PEPD: variants seen among roughly 807,000 people sequenced by gnomAD.
PEPD encodes the protein peptidase D.
In PEPD, 53 loss-of-function variants were observed where a neutral mutation model predicts 60.7. The ratio of observed to expected loss-of-function variants is 0.87; its 90% CI spans 0.70 to 1.10. The LOEUF is 1.10. Ranked by LOEUF, PEPD falls within the 50% of genes least tolerant of loss-of-function variation. PEPD has a pLI of 0.00. For missense variants in PEPD, 711 were observed against 711.9 expected, an observed-to-expected ratio of 1.00 and a Z score of 0.01; for synonymous variants, 267 against 284.1, an observed-to-expected ratio of 0.94 and a Z score of 0.60.
At chr19:33,486,801 T>C (rs1326237322) in intron 6 of PEPD, 1 of 152,220 alleles carries the variant, frequency 6.6e-6, no homozygotes, top group Non-Finnish European at 1.5e-5. Flanking sequence ...ATAGGCTGGG[T>C]GGACAGGTGG....
rs1168800623 is a variant in PEPD at position 33,511,027 on chromosome 19, C to T, written c.329+1G>A. On this transcript the variant is annotated splice_donor_variant, in intron 3 of 14. Transcript: ENST00000244137. LOFTEE classifies it high-confidence loss of function. ...GGTGCCCTGGCCAGGCTGCTCCTTA[C>T]TTTCCCATCCAGGTGGCATGGCTGG... is the stretch of plus-strand genomic sequence containing the variant. 1 of 1,589,832 alleles carries T rather than the reference C, an allele frequency of 6.3e-7. No individual in the cohort carries two copies. Among genetic ancestry groups the T allele is most frequent in the South Asian group, 1.1e-5 (1 of 90,604 alleles).
At chr19:33,437,405 C>T (rs921001260) in intron 9 of PEPD, among the ~76,000 whole-genome samples, 24 of 151,720 alleles carry the variant, frequency 1.6e-4, no homozygotes, top group African/African-American at 5.3e-4. Flanking sequence ...TTTCAACAGC[C>T]ACACGAGATG....
chr19:33,501,057 G>A, intron 3 of PEPD, 56 bp from the exon 4 acceptor site: 2 of 1,044,740 alleles, frequency 1.9e-6, no homozygotes, highest in Non-Finnish European at 3.0e-6. Flanking sequence ...GCTCAGCATG[G>A]CCACCTTCCT....
At chr19:33,492,317 G>A (rs966920941) in intron 5 of PEPD, among the ~76,000 whole-genome samples, 7 of 152,184 alleles carry the variant, frequency 4.6e-5, no homozygotes, top group East Asian at 1.9e-4. Context: ...GCAGACGCCC[G>A]GTGGTGTGGT....
intron 9 of PEPD, among the ~76,000 whole-genome samples, chr19:33,462,202 G>A (rs1425727293): frequency 2.0e-5 from 3 of 152,220 alleles, no homozygotes; most frequent in Non-Finnish European, 4.4e-5. Context: ...CTGCAAGGGG[G>A]GTAAGGGATA....
At chr19:33,410,646 C>T (rs1968742770) in intron 11 of PEPD, among the ~76,000 whole-genome samples, 1 of 151,920 alleles carries the variant, frequency 6.6e-6, no homozygotes, top group Non-Finnish European at 1.5e-5. Context: ...GGGCGCCACG[C>T]AGGCCTCAGA....
intron 2 of PEPD, chr19:33,511,480 C>T: frequency 2.7e-6 from 1 of 377,076 alleles, no homozygotes; most frequent in South Asian, 2.2e-5. Flanking sequence ...TCAACCCTGC[C>T]TCTCTGCCAC....
intron 6 of PEPD, among the ~76,000 whole-genome samples, chr19:33,484,122 T>C (rs901572177): frequency 6.6e-6 from 1 of 152,168 alleles, no homozygotes; most frequent in Admixed American, 6.5e-5. Flanking sequence ...AACAGAACTA[T>C]ATGATTCAAA....
intron 9 of PEPD, among the ~76,000 whole-genome samples, chr19:33,419,733 G>C (rs559151872): frequency 8.1e-4 from 124 of 152,356 alleles, no homozygotes; most frequent in African/African-American, 2.8e-3. Flanking sequence ...GCCTTCCGGA[G>C]CCCTGACCTT....
Position 33,442,889 on chromosome 19 carries a change from G to A in PEPD, c.671+20106C>T, listed in dbSNP as rs376500229. ...GGTCAGGCCTCGGGGAACGTCCACC[G>A]GGGCTGTCCACTGGCTCTCCCCACA... is the stretch of plus-strand genomic sequence containing the variant. On this transcript the variant is annotated intron_variant, in intron 9 of 14. Transcript: ENST00000244137. Among the ~76,000 whole-genome samples, 70 of 152,242 alleles carry A rather than the reference G, an allele frequency of 4.6e-4. 2 individuals are homozygous for A. The East Asian group carries it at 7.7e-3, about 17-fold the overall frequency.
At chr19:33,494,288 G>A (rs1241743925) in intron 4 of PEPD, among the ~76,000 whole-genome samples, 3 of 152,186 alleles carry the variant, frequency 2.0e-5, no homozygotes, top group African/African-American at 7.2e-5. Flanking sequence ...CCGAAACGCA[G>A]GGGGAGAGTG....
intron 3 of PEPD, among the ~76,000 whole-genome samples, chr19:33,506,427 TAC>T (rs199704323): frequency 3.7e-5 from 3 of 81,144 alleles, no homozygotes; most frequent in Admixed American, 1.3e-4. Flanking sequence ...CCCTACACAC[TAC>T]ACACACCCAC....
At chr19:33,424,610 C>T (rs182254260) in intron 9 of PEPD, among the ~76,000 whole-genome samples, 38 of 152,206 alleles carry the variant, frequency 2.5e-4, no homozygotes, top group South Asian at 8.3e-4. Context: ...GAGGATGAGG[C>T]GGGAGGATCG....
intron 9 of PEPD, among the ~76,000 whole-genome samples, chr19:33,440,207 C>T (rs1258999777): frequency 6.6e-6 from 1 of 152,152 alleles, no homozygotes; most frequent in Non-Finnish European, 1.5e-5. Context: ...CTGGACTCTT[C>T]TCCCTGTCTT....
chr19:33,393,227 G>A (rs1156836420), intron 12 of PEPD, among the ~76,000 whole-genome samples: 3 of 108,122 alleles, frequency 2.8e-5, no homozygotes, highest in African/African-American at 4.2e-5. Flanking sequence ...CGGGGAGGCC[G>A]TCCCGGGGTC....
intron 9 of PEPD, among the ~76,000 whole-genome samples, chr19:33,433,681 C>A (rs1180411663): frequency 3.9e-5 from 6 of 152,188 alleles, no homozygotes; most frequent in Non-Finnish European, 2.9e-5. Flanking sequence ...AGAGCCCAGG[C>A]GATACTTCCT....
intron 12 of PEPD, among the ~76,000 whole-genome samples, chr19:33,393,361 G>T (rs1313666812): frequency 6.6e-6 from 1 of 152,066 alleles, no homozygotes; most frequent in African/African-American, 2.4e-5. Flanking sequence ...CAGCTGCCCT[G>T]TATCTGGGGC....
Position 33,387,364 on chromosome 19 carries a change from GGGTAAAGGCC to G in PEPD, c.1452_1461del (p.Lys484AsnfsTer51). The G allele has an allele frequency of 1.2e-6, 2 of 1,614,022 alleles. No homozygotes were observed. Among genetic ancestry groups the G allele is most frequent in the Non-Finnish European group, 8.5e-7 (1 of 1,180,038 alleles). On this transcript the variant is annotated frameshift_variant, in exon 15 of 15. Coordinates refer to ENST00000244137, the MANE Select transcript of PEPD (RefSeq NM_000285.4). LOFTEE classifies it high-confidence loss of function. ...TGGCTCTACTTGGGGCCAGAGAAGG[GGGTAAAGGCC>G]TTGTCACAGCCTGCCATGCATGCTT...
At chr19:33,478,370 A>T (rs1970260263) in intron 6 of PEPD, among the ~76,000 whole-genome samples, 1 of 152,234 alleles carries the variant, frequency 6.6e-6, no homozygotes, top group African/African-American at 2.4e-5. Flanking sequence ...TCTTGTGTCA[A>T]GTATATCAAA....
Sources: allele counts gnomAD v4.1 joint callset (sites outside exome capture counted in the v4.1 genomes callset), GRCh38; gene constraint gnomAD v4.1.1; transcripts MANE v1.5; gene names NCBI Gene and HGNC (gene_info 2026-07-23, HGNC 2026-07-21).